Variants in UGT2A3 observed in about 807,000 individuals in gnomAD.
UGT2A3 encodes the protein UDP-glucuronosyltransferase 2A3.
In UGT2A3, 55 loss-of-function variants were observed where a neutral mutation model predicts 44.1. The ratio of observed to expected loss-of-function variants is 1.25; its 90% CI spans 1.00 to 1.56. The LOEUF is 1.56. Among genes scored for constraint, UGT2A3 ranks in the 40% most tolerant of loss-of-function variants. The probability of loss-of-function intolerance (pLI) is 0.00; values close to 1 mark genes in which losing one functional copy is unlikely to be tolerated. For missense variants in UGT2A3, 733 were observed against 621.6 expected (o/e 1.18, Z -1.91); for synonymous variants, 243 against 215.1 (o/e 1.13, Z -1.13).
intron 2 of UGT2A3, chr4:68,943,242 G>A (rs1718263174): frequency 2.3e-6 from 2 of 858,268 alleles, no homozygotes; most frequent in East Asian, 1.5e-4. Flanking sequence ...TGTAAAACTG[G>A]GAGTGTGGGA....
At chr4:68,949,282 T>G (rs1303701397) in intron 1 of UGT2A3, among the ~76,000 whole-genome samples, 1 of 151,850 alleles carries the variant, frequency 6.6e-6, no homozygotes, top group Non-Finnish European at 1.5e-5. Flanking sequence ...ACCTGCTACT[T>G]TTCTTTTCAC....
chr4:68,934,383 A>T (rs1008547568), intron 2 of UGT2A3, among the ~76,000 whole-genome samples: 4 of 152,002 alleles, frequency 2.6e-5, no homozygotes, highest in African/African-American at 9.7e-5. Flanking sequence ...ACTCAAAATT[A>T]TTAGGAAAAC....
rs1210454850 is a variant in UGT2A3, at chr4:68,929,791, T to C, written c.*22A>G. 8 of 1,541,330 alleles carry C rather than the reference T, an allele frequency of 5.2e-6. No homozygotes were observed. Among genetic ancestry groups the C allele is most frequent in the Non-Finnish European group, 5.3e-6 (6 of 1,139,674 alleles). On this transcript the variant is annotated 3_prime_UTR_variant, in exon 6 of 6. Transcript: ENST00000251566. ...GAATTAACAGGATTACCCCATCAGG[T>C]CTTTCTTGAATTTGGAAAGATCTAT...
At chr4:68,938,503 C>A (rs760677157) in intron 2 of UGT2A3, among the ~76,000 whole-genome samples, 21 of 152,142 alleles carry the variant, frequency 1.4e-4, no homozygotes, top group Middle Eastern at 3.4e-3. Flanking sequence ...AAATTCAACA[C>A]CCTTCATGCT....
intron 1 of UGT2A3, among the ~76,000 whole-genome samples, chr4:68,947,605 C>A (rs1448336589): frequency 1.3e-5 from 2 of 151,692 alleles, no homozygotes; most frequent in Admixed American, 6.6e-5. Context: ...AATGAAAAAT[C>A]CTTTTGAAAA....
chr4:68,945,489 C>G lies in UGT2A3; in HGVS notation c.716-35G>C, dbSNP rs779509541. On this transcript the variant is annotated intron_variant, in intron 1 of 5. Coordinates refer to ENST00000251566, the MANE Select transcript of UGT2A3 (RefSeq NM_024743.4). ...AGAAATAACAGAATGAATTAGCATA[C>G]AATTCAAATAAAAAATTGTATCACT... 2.0e-6 allele frequency: 3 copies of G among 1,513,788 alleles called. No individual in the cohort carries two copies. In the African/African-American group the frequency reaches 4.3e-5, roughly 21 times the overall value. 93.8% of individuals were successfully genotyped at this position (1,513,788 alleles called of 1,614,324 possible). A position where few individuals can be genotyped will look rare whatever the true frequency, so the allele number is the denominator to read the frequency against.
Position 68,929,829 on chromosome 4 carries a change from A to G in UGT2A3, c.1568T>C (p.Ile523Thr). 1.3e-6 allele frequency: 2 copies of G among 1,598,556 alleles called. No homozygotes were observed. The highest frequency in any genetic ancestry group is 1.7e-6 in the Non-Finnish European group (2 of 1,170,918). The part of the protein sequence containing the change: ...SCQKFNKTRK[I>T]EKRE ...TGGAAAGATCTATTCCCTCTTTTCT[A>G]TCTTTCTAGTTTTATTAAATTTTTG... The change falls in exon 6 of 6, where the codon ATA (isoleucine) becomes ACA (threonine). Residue 523 changes from isoleucine to threonine, a missense_variant. Ile to Thr is a moderately conservative substitution (Grantham distance 89). Coordinates refer to ENST00000251566, the MANE Select transcript of UGT2A3 (RefSeq NM_024743.4).
intron 3 of UGT2A3, 91 bp from the exon 4 acceptor site, chr4:68,931,333 G>A: frequency 9.9e-7 from 1 of 1,010,860 alleles, no homozygotes; most frequent in South Asian, 1.6e-5. Flanking sequence ...TAAACTCATT[G>A]TACTTCAGGT....
At position 68,928,791 on chromosome 4, in the gene UGT2A3, A is replaced by T. The variant is rs1232628341; in HGVS notation, c.*1022T>A. ...TATTTAATATATAATACTATTTGTT[A>T]TGCAGGTTTTCTAATACCTTAAATT... is the stretch of plus-strand genomic sequence containing the variant. On this transcript the variant is annotated 3_prime_UTR_variant, in exon 6 of 6. Coordinates refer to ENST00000251566, the MANE Select transcript of UGT2A3 (RefSeq NM_024743.4). 1 of 151,938 alleles carries T rather than the reference A, an allele frequency of 6.6e-6. No homozygotes were observed. Among genetic ancestry groups the T allele is most frequent in the African/African-American group, 2.4e-5 (1 of 41,448 alleles). 9.4% of individuals were successfully genotyped at this position (151,938 alleles called of 1,614,324 possible). A position where few individuals can be genotyped will look rare whatever the true frequency, so the allele number is the denominator to read the frequency against.
Position 68,929,953 on chromosome 4 carries a change from T to C in UGT2A3, c.1444A>G (p.Thr482Ala), listed in dbSNP as rs747871099. 3 of 1,613,526 alleles carry C rather than the reference T, an allele frequency of 1.9e-6. No homozygotes were observed. Among genetic ancestry groups the C allele is most frequent in the Admixed American group, 3.3e-5 (2 of 59,942 alleles). ...TCTATAGAGTAGTGCTGGAACCAGG[T>C]GAGGTCATGGGCAGCTGATCGCAGG... ...KHLRSAAHDLTWFQHYSIDVI... is the reference protein window; with the variant it reads ...KHLRSAAHDLAWFQHYSIDVI... The change falls in exon 6 of 6, where the codon ACC becomes GCC. Residue 482 changes from threonine to alanine, a missense_variant. Physicochemically the swap from Thr to Ala is moderately conservative, Grantham distance 58 (BLOSUM62 0). Transcript: ENST00000251566.
intron 2 of UGT2A3, 75 bp downstream of exon 2, chr4:68,945,231 C>T (rs1718339789): frequency 3.2e-6 from 5 of 1,551,990 alleles, no homozygotes; most frequent in Non-Finnish European, 4.4e-6. Context: ...CCTTCTATAA[C>T]TAAGGTTGTA....
chr4:68,949,676 A>T (rs1429188524), intron 1 of UGT2A3, among the ~76,000 whole-genome samples: 1 of 151,930 alleles, frequency 6.6e-6, no homozygotes, highest in Non-Finnish European at 1.5e-5. Flanking sequence ...CAATAAAGCA[A>T]TGTATAATAA....
intron 1 of UGT2A3, among the ~76,000 whole-genome samples, chr4:68,945,735 AGAAGGAAGGAAG>A (rs3071535): frequency 6.7e-6 from 1 of 148,874 alleles, no homozygotes; most frequent in Non-Finnish European, 1.5e-5. Context: ...AAGGAAGGAA[AGAAGGAAGGAAG>A]GAAGGAAGGA....
rs757414311 is a variant in UGT2A3, at chr4:68,951,322, G to A, written c.439C>T (p.Leu147Phe). 21 of 1,612,488 alleles carry A rather than the reference G, an allele frequency of 1.3e-5. No individual in the cohort carries two copies. Among genetic ancestry groups the A allele is most frequent in the Non-Finnish European group, 1.7e-5 (20 of 1,179,238 alleles). ...CCACAGGGAATCACAGGGTCTATAAGCATTACATCGTAGTTGGTTTCCTGT... is the reference window on the plus strand; with the variant it reads ...CCACAGGGAATCACAGGGTCTATAAACATTACATCGTAGTTGGTTTCCTGT... ...KLQETNYDVM[L>F]IDPVIPCGDL... The change falls in exon 1 of 6, where the codon CTT becomes TTT. Residue 147 changes from leucine to phenylalanine, a missense_variant. By Grantham distance (22) the Leu-to-Phe change is conservative. Coordinates refer to ENST00000251566, the MANE Select transcript of UGT2A3 (RefSeq NM_024743.4).
chr4:68,936,988 A>G (rs576181870), intron 2 of UGT2A3, among the ~76,000 whole-genome samples: 2 of 152,188 alleles, frequency 1.3e-5, no homozygotes, highest in East Asian at 3.9e-4. Context: ...AGGTCATTAC[A>G]TAATGGTAAA....
intron 4 of UGT2A3, 148 bp downstream of exon 4, chr4:68,931,007 T>A: frequency 1.3e-6 from 1 of 751,538 alleles, no homozygotes; most frequent in Non-Finnish European, 2.1e-6. Flanking sequence ...TCTATACAAT[T>A]TTAGTCAATC....
Position 68,930,061 on chromosome 4 carries a change from T to C in UGT2A3, c.1336A>G (p.Ile446Val). 6.2e-7 allele frequency: 1 copy of C among 1,612,806 alleles called. No individual in the cohort carries two copies. The highest frequency in any genetic ancestry group is 1.1e-5 in the South Asian group (1 of 91,020). ...GGCTTTACAGGTTGATCATGGTGAA[T>C]TCTTGATAATCTCATAGCATTCTCT... Reference protein sequence around the residue: ...YKENAMRLSRIHHDQPVKPLD... With the variant: ...YKENAMRLSRVHHDQPVKPLD... The change falls in exon 6 of 6, where the codon ATT becomes GTT. Residue 446 changes from isoleucine (I) to valine (V), a missense_variant. Ile to Val is a conservative substitution (Grantham distance 29). Transcript: ENST00000251566.
intron 5 of UGT2A3, 103 bp downstream of exon 5, chr4:68,930,443 G>A: frequency 2.6e-6 from 3 of 1,136,402 alleles, no homozygotes; most frequent in Non-Finnish European, 3.7e-6. Context: ...ATATTGTGGA[G>A]TAAAATCCCT....
chr4:68,931,375 G>C, intron 3 of UGT2A3, 133 bp from the exon 4 acceptor site: 1 of 598,506 alleles, frequency 1.7e-6, no homozygotes, highest in Non-Finnish European at 2.8e-6. Flanking sequence ...TAGAGCTACC[G>C]CGTAAAGACT....
Sources: allele counts gnomAD v4.1 joint callset (sites outside exome capture counted in the v4.1 genomes callset), GRCh38; gene constraint gnomAD v4.1.1; transcripts MANE v1.5; gene names NCBI Gene and HGNC (gene_info 2026-07-23, HGNC 2026-07-21).